Variants in MYRIP observed in about 807,000 individuals in gnomAD.
MYRIP encodes rab effector MyRIP.
Under a neutral mutation model 98.0 loss-of-function variants are expected in MYRIP, and 49 were observed. The ratio of observed to expected loss-of-function variants is 0.50; its 90% CI spans 0.40 to 0.63. MYRIP has a LOEUF of 0.63. Ranked by LOEUF, MYRIP falls within the 30% of genes least tolerant of loss-of-function variation. The pLI, the probability that MYRIP is intolerant of heterozygous loss-of-function variation, is 0.00. For synonymous variants in MYRIP, 404 were observed against 409.5 expected (o/e 0.99, Z 0.16); for missense variants, 1,004 against 1,058.2 (o/e 0.95, Z 0.71).
At chr3:39,848,315 G>T (rs1001555270) in intron 1 of MYRIP, among the ~76,000 whole-genome samples, 5 of 152,126 alleles carry the variant, frequency 3.3e-5, no homozygotes, top group African/African-American at 1.2e-4. Flanking sequence ...AAATTGGAAA[G>T]GTACTTTTTA....
chr3:40,051,218 C>A (rs1947788190), intron 3 of MYRIP, among the ~76,000 whole-genome samples: 1 of 152,068 alleles, frequency 6.6e-6, no homozygotes, highest in Admixed American at 6.6e-5. Flanking sequence ...TTCAACATGG[C>A]AGACTTCATA....
chr3:39,954,065 T>C (rs1399264538), intron 2 of MYRIP, among the ~76,000 whole-genome samples: 2 of 152,140 alleles, frequency 1.3e-5, no homozygotes, highest in African/African-American at 4.8e-5. Flanking sequence ...TCTGCCTCTA[T>C]AGACTCCACC....
At chr3:40,078,108 G>A (rs1011056042) in intron 3 of MYRIP, among the ~76,000 whole-genome samples, 3 of 152,258 alleles carry the variant, frequency 2.0e-5, no homozygotes, top group East Asian at 1.9e-4. Context: ...GAAATCTAGC[G>A]CAGCGCCGGT....
chr3:40,239,242 AT>A (rs1559471238), intron 12 of MYRIP, among the ~76,000 whole-genome samples: 1 of 151,322 alleles, frequency 6.6e-6, no homozygotes, highest in East Asian at 1.9e-4. Context: ...TGAACTCATC[AT>A]TTTTTATGGC....
intron 1 of MYRIP, among the ~76,000 whole-genome samples, chr3:39,817,818 T>C (rs1297575774): frequency 6.6e-6 from 1 of 152,188 alleles, no homozygotes; most frequent in South Asian, 2.1e-4. Context: ...AAATAAAATG[T>C]ATCCTCTTGT....
chr3:40,173,896 T>C (rs1950686468), intron 8 of MYRIP: 1 of 152,236 alleles, frequency 6.6e-6, no homozygotes, highest in South Asian at 2.1e-4. Flanking sequence ...TTGACATCAA[T>C]GTAAAGAGAA....
At chr3:39,871,917 A>C (rs1410215465) in intron 1 of MYRIP, among the ~76,000 whole-genome samples, 2 of 152,036 alleles carry the variant, frequency 1.3e-5, no homozygotes, top group Non-Finnish European at 2.9e-5. Context: ...TATATATAAA[A>C]TATATAGAAA....
At chr3:40,134,802 AC>A (rs1477166863) in intron 3 of MYRIP, among the ~76,000 whole-genome samples, 4 of 152,196 alleles carry the variant, frequency 2.6e-5, no homozygotes, top group Non-Finnish European at 5.9e-5. Context: ...GTGAACTCCA[AC>A]AGACCTGCAG....
At chr3:40,020,428 G>C (rs536795936) in intron 2 of MYRIP, among the ~76,000 whole-genome samples, 1 of 152,266 alleles carries the variant, frequency 6.6e-6, no homozygotes, top group African/African-American at 2.4e-5. Flanking sequence ...TTTGTGCCTT[G>C]GTGTTTTCTT....
intron 2 of MYRIP, among the ~76,000 whole-genome samples, chr3:39,990,693 C>T (rs576025662): frequency 9.2e-5 from 14 of 152,274 alleles, no homozygotes; most frequent in African/African-American, 3.1e-4. Context: ...TTCTGGTCAT[C>T]GTGGCCCAAG....
intron 1 of MYRIP, among the ~76,000 whole-genome samples, chr3:39,830,697 A>G (rs1039324754): frequency 1.3e-5 from 2 of 152,056 alleles, no homozygotes; most frequent in African/African-American, 4.8e-5. Flanking sequence ...TCTGAATTTC[A>G]CTTTCCTTCT....
At chr3:39,995,371 C>T (rs952575725) in intron 2 of MYRIP, among the ~76,000 whole-genome samples, 2 of 152,084 alleles carry the variant, frequency 1.3e-5, no homozygotes, top group South Asian at 2.1e-4. Flanking sequence ...AACCATGGCA[C>T]GATAACTACA....
Position 40,028,165 on chromosome 3 carries a change from C to A in MYRIP, c.111-15885C>A, listed in dbSNP as rs560933377. On this transcript the variant is annotated intron_variant, in intron 2 of 16. Transcript: ENST00000302541. ...GTCCTCTCAACACGGAATGCTTTACCCTCTAACAACCTGTCAGAGCTGGCG... is the reference window on the plus strand; with the variant it reads ...GTCCTCTCAACACGGAATGCTTTACACTCTAACAACCTGTCAGAGCTGGCG... Among the ~76,000 whole-genome samples the A allele has an allele frequency of 5.8e-4, 89 of 152,172 alleles. 1 individual carries two copies. In the South Asian group the frequency reaches 0.017, roughly 29 times the overall value.
rs147001779 is a variant in MYRIP at position 39,837,304 on chromosome 3, G to A, written c.-31+27388G>A. 1.1e-4 allele frequency among the ~76,000 whole-genome samples: 16 copies of A among 152,234 alleles called. No homozygotes were observed. In the East Asian group the frequency reaches 2.3e-3, roughly 22 times the overall value. On this transcript the variant is annotated intron_variant, in intron 1 of 16. Coordinates refer to ENST00000302541, the MANE Select transcript of MYRIP (RefSeq NM_015460.4). ...AAGTCTTTGCCCTTGCCTATGTCCCGAATGGTACTGCTTAAGTTTTCTTCT... is the reference window on the plus strand; with the variant it reads ...AAGTCTTTGCCCTTGCCTATGTCCCAAATGGTACTGCTTAAGTTTTCTTCT...
intron 1 of MYRIP, among the ~76,000 whole-genome samples, chr3:39,835,536 C>CA (rs1265315864): frequency 6.6e-6 from 1 of 152,088 alleles, no homozygotes; most frequent in Non-Finnish European, 1.5e-5. Flanking sequence ...TTTGATGCTA[C>CA]AGAAAATGTT....
At chr3:39,911,833 T>C (rs1323596422) in intron 2 of MYRIP, among the ~76,000 whole-genome samples, 1 of 152,172 alleles carries the variant, frequency 6.6e-6, no homozygotes, top group Admixed American at 6.5e-5. Context: ...TGGGGGCAGT[T>C]TCCTGCCTCA....
chr3:40,006,666 T>C (rs1247452029), intron 2 of MYRIP, among the ~76,000 whole-genome samples: 3 of 152,208 alleles, frequency 2.0e-5, no homozygotes, highest in Non-Finnish European at 4.4e-5. Flanking sequence ...AGTTTTCATG[T>C]TAAATGTTGA....
At chr3:40,134,348 A>C (rs1799425) in intron 3 of MYRIP, among the ~76,000 whole-genome samples, 109,145 of 152,156 alleles carry the variant, frequency 0.72, 39,492 homozygotes, top group Admixed American at 0.8. Flanking sequence ...GGGCGCCCAC[A>C]ATTGCTCAGG....
At chr3:39,911,989 TCTC>T (rs1277741182) in intron 2 of MYRIP, among the ~76,000 whole-genome samples, 3 of 152,144 alleles carry the variant, frequency 2.0e-5, no homozygotes, top group Non-Finnish European at 2.9e-5. Context: ...ATGAGCTTCT[TCTC>T]CTTCTCCCAG....
Sources: allele counts gnomAD v4.1 joint callset (sites outside exome capture counted in the v4.1 genomes callset), GRCh38; gene constraint gnomAD v4.1.1; transcripts MANE v1.5; gene names NCBI Gene and HGNC (gene_info 2026-07-23, HGNC 2026-07-21).